The following LRP1B variants were observed in gnomAD, a reference collection of about 807,000 sequenced individuals.
LRP1B encodes LDL receptor related protein 1B.
Under a neutral mutation model 556.6 loss-of-function variants are expected in LRP1B, and 217 were observed. The ratio of observed to expected loss-of-function variants is 0.39; its 90% CI spans 0.35 to 0.44. The LOEUF (loss-of-function observed/expected upper bound fraction) is 0.44, where lower values mean the gene tolerates loss of function less well. Among genes scored for constraint, LRP1B ranks in the 20% least tolerant of loss-of-function variants. The pLI is 1.00. For missense variants in LRP1B, 5,053 were observed against 5,620.8 expected (o/e 0.90, Z 3.23); for synonymous variants, 2,047 against 1,865.8 (o/e 1.10, Z -2.50).
At chr2:141,297,023 C>CA (rs1686207554) in intron 3 of LRP1B, among the ~76,000 whole-genome samples, 1 of 152,156 alleles carries the variant, frequency 6.6e-6, no homozygotes, top group Non-Finnish European at 1.5e-5. Context: ...CATGTTGCGG[C>CA]AAAGGATATG....
intron 2 of LRP1B, among the ~76,000 whole-genome samples, chr2:141,487,102 C>T (rs1683150341): frequency 6.6e-6 from 1 of 152,146 alleles, no homozygotes; most frequent in Non-Finnish European, 1.5e-5. Context: ...TTCACACATG[C>T]TTTTTCATAA....
At chr2:141,675,715 T>C (rs1432788083) in intron 2 of LRP1B, among the ~76,000 whole-genome samples, 1 of 151,078 alleles carries the variant, frequency 6.6e-6, no homozygotes, top group Non-Finnish European at 1.5e-5. Flanking sequence ...ACTGTTTTAG[T>C]AGAAGTTAGG....
At chr2:140,629,791 A>G (rs967554451) in intron 41 of LRP1B, among the ~76,000 whole-genome samples, 2 of 152,212 alleles carry the variant, frequency 1.3e-5, no homozygotes, top group African/African-American at 4.8e-5. Flanking sequence ...ATTGGCACTT[A>G]CTACAAATTT....
intron 7 of LRP1B, among the ~76,000 whole-genome samples, chr2:141,176,892 AT>A (rs200043392): frequency 1.2e-4 from 18 of 152,226 alleles, no homozygotes; most frequent in African/African-American, 3.8e-4. Flanking sequence ...TTACAAAAAA[AT>A]AAAATAAAAT....
At chr2:140,544,388 G>T (rs964954014) in intron 43 of LRP1B, among the ~76,000 whole-genome samples, 6 of 151,980 alleles carry the variant, frequency 3.9e-5, no homozygotes, top group Non-Finnish European at 8.8e-5. Context: ...TATCACAGGG[G>T]TTCACTGTAC....
At chr2:141,756,540 A>G (rs2105581770) in intron 2 of LRP1B, among the ~76,000 whole-genome samples, 1 of 104,090 alleles carries the variant, frequency 9.6e-6, no homozygotes, top group South Asian at 3.4e-4. Flanking sequence ...TAAATCTCTC[A>G]AATTACACAC....
chr2:141,716,479 A>G (rs533138577), intron 2 of LRP1B, among the ~76,000 whole-genome samples: 2 of 152,312 alleles, frequency 1.3e-5, no homozygotes, highest in East Asian at 3.9e-4. Context: ...GAACTCTAGC[A>G]TAAATATGAT....
chr2:141,210,969 A>T (rs1682514713), intron 6 of LRP1B, among the ~76,000 whole-genome samples: 1 of 152,086 alleles, frequency 6.6e-6, no homozygotes, highest in African/African-American at 2.4e-5. Flanking sequence ...GAGTGCTAAG[A>T]GGTTTATTTT....
intron 66 of LRP1B, among the ~76,000 whole-genome samples, chr2:140,425,714 C>G (rs1685625482): frequency 6.6e-6 from 1 of 152,136 alleles, no homozygotes; most frequent in Non-Finnish European, 1.5e-5. Flanking sequence ...CCCTGTTCAC[C>G]CATTTTCTGT....
At chr2:141,526,277 C>T (rs193195060) in intron 2 of LRP1B, among the ~76,000 whole-genome samples, 1 of 152,016 alleles carries the variant, frequency 6.6e-6, no homozygotes, top group Admixed American at 6.6e-5. Context: ...TTTTAGCAGA[C>T]GGTGAGTTAT....
At chr2:140,607,703 G>A (rs899098738) in intron 41 of LRP1B, among the ~76,000 whole-genome samples, 4 of 151,462 alleles carry the variant, frequency 2.6e-5, no homozygotes, top group African/African-American at 9.7e-5. Context: ...ATACATACAG[G>A]ACACAATTAT....
intron 72 of LRP1B, among the ~76,000 whole-genome samples, chr2:140,360,136 C>A (rs546847551): frequency 6.6e-6 from 1 of 151,614 alleles, no homozygotes; most frequent in African/African-American, 2.4e-5. Context: ...ACCATTTATT[C>A]TACATTTATC....
intron 2 of LRP1B, among the ~76,000 whole-genome samples, chr2:141,790,821 A>G (rs1232818538): frequency 6.6e-6 from 1 of 151,934 alleles, no homozygotes; most frequent in Non-Finnish European, 1.5e-5. Context: ...GAACACAGAA[A>G]TTGGTGGTAA....
intron 10 of LRP1B, among the ~76,000 whole-genome samples, chr2:141,049,852 G>A (rs1278976577): frequency 6.6e-6 from 1 of 151,922 alleles, no homozygotes; most frequent in Non-Finnish European, 1.5e-5. Flanking sequence ...CAGTAACTCT[G>A]ATGTACAACA....
intron 3 of LRP1B, among the ~76,000 whole-genome samples, chr2:141,438,883 A>G (rs1474266452): frequency 6.6e-6 from 1 of 152,180 alleles, no homozygotes; most frequent in Non-Finnish European, 1.5e-5. Flanking sequence ...ACTGTTAGAC[A>G]TATGTTTACT....
intron 41 of LRP1B, among the ~76,000 whole-genome samples, chr2:140,618,278 T>C (rs1683328250): frequency 6.6e-6 from 1 of 151,952 alleles, no homozygotes; most frequent in Non-Finnish European, 1.5e-5. Flanking sequence ...GAGGGCTCTA[T>C]AGAAATATCT....
intron 11 of LRP1B, among the ~76,000 whole-genome samples, chr2:141,032,826 C>CATATATATAT (rs71391641): frequency 1.7e-4 from 21 of 126,662 alleles, no homozygotes; most frequent in East Asian, 7.6e-4. Context: ...TATATACATA[C>CATATATATAT]ATATATATAT....
At chr2:140,240,363 T>C (rs1423827477) in intron 87 of LRP1B, among the ~76,000 whole-genome samples, 1 of 150,802 alleles carries the variant, frequency 6.6e-6, no homozygotes, top group Non-Finnish European at 1.5e-5. Flanking sequence ...ATTTGGTCTT[T>C]GTTTTTATGC....
chr2:140,613,643 A>G (rs1574144176), intron 41 of LRP1B, among the ~76,000 whole-genome samples: 1 of 151,248 alleles, frequency 6.6e-6, no homozygotes, highest in Middle Eastern at 3.4e-3. Context: ...AAAATTAAAG[A>G]CTCTCAGACA....
Sources: allele counts gnomAD v4.1 joint callset (sites outside exome capture counted in the v4.1 genomes callset), GRCh38; gene constraint gnomAD v4.1.1; transcripts MANE v1.5; gene names NCBI Gene and HGNC (gene_info 2026-07-23, HGNC 2026-07-21).